Variants in OSBPL9 observed in about 807,000 individuals in gnomAD.
OSBPL9 encodes the protein oxysterol-binding protein-related protein 9.
In OSBPL9, 40 loss-of-function variants were observed where a neutral mutation model predicts 106.6. The observed-to-expected ratio is 0.38, with a 90% CI of 0.29 to 0.49. The LOEUF (loss-of-function observed/expected upper bound fraction) is 0.49, where lower values mean the gene tolerates loss of function less well. Among genes scored for constraint, OSBPL9 ranks in the 20% least tolerant of loss-of-function variants. The probability of loss-of-function intolerance (pLI) is 0.97; values close to 1 mark genes in which losing one functional copy is unlikely to be tolerated. For missense variants in OSBPL9, 609 were observed against 887.2 expected (o/e 0.69, Z 3.98); for synonymous variants, 269 against 295.4 (o/e 0.91, Z 0.92).
At chr1:51,623,939 T>A (rs1318792652) in intron 1 of OSBPL9, among the ~76,000 whole-genome samples, 1 of 151,626 alleles carries the variant, frequency 6.6e-6, no homozygotes, top group African/African-American at 2.4e-5. Context: ...TTTTTTTTTG[T>A]CGGAGTCTCG....
intron 11 of OSBPL9, among the ~76,000 whole-genome samples, chr1:51,762,660 G>A (rs977085833): frequency 6.6e-6 from 1 of 152,194 alleles, no homozygotes; most frequent in Non-Finnish European, 1.5e-5. Flanking sequence ...TTGCATACAT[G>A]TATGTGCATA....
chr1:51,518,526 A>C, the OSBPL9 span: 1 of 152,854 alleles, frequency 6.5e-6, no homozygotes. Flanking sequence ...CCCAGAAGGA[A>C]ACCTGATCAG....
At chr1:51,736,828 T>C (rs1665810505) in intron 4 of OSBPL9, among the ~76,000 whole-genome samples, 1 of 152,156 alleles carries the variant, frequency 6.6e-6, no homozygotes. Context: ...TTTATTTAGA[T>C]CCTGGAATGA....
In OSBPL9 at chr1:51,729,165, C is replaced by T. The variant is rs1202860048; in HGVS notation, c.318+15086C>T. ...CATTCCTTATGGAGCTGTGGCACAA[C>T]AGCAAGCCCACGATGTCTCACCGGA... is the stretch of plus-strand genomic sequence containing the variant. On this transcript the variant is annotated intron_variant, in intron 4 of 23. Coordinates refer to ENST00000428468, the MANE Select transcript of OSBPL9 (RefSeq NM_024586.6). The surrounding 1 kb of genome is among the most constrained non-coding windows in gnomAD (Gnocchi z 5.1). 1 of 152,242 alleles carries T rather than the reference C, an allele frequency of 6.6e-6. No individual in the cohort carries two copies. The highest frequency in any genetic ancestry group is 1.5e-5 in the Non-Finnish European group (1 of 68,064). 9.4% of individuals were successfully genotyped at this position (152,242 alleles called of 1,614,324 possible).
At chr1:51,710,135 A>G (rs942557180) in intron 3 of OSBPL9, among the ~76,000 whole-genome samples, 1 of 152,174 alleles carries the variant, frequency 6.6e-6, no homozygotes, top group African/African-American at 2.4e-5. Flanking sequence ...ACCTGATTCC[A>G]TGTATTGATT....
At chr1:51,553,803 C>T in the OSBPL9 span, among the ~76,000 whole-genome samples, 12 of 152,100 alleles carry the variant, frequency 7.9e-5, no homozygotes, top group Non-Finnish European at 1.2e-4. Flanking sequence ...CTCAGCCTCC[C>T]GAGTACCTGG....
intron 12 of OSBPL9, among the ~76,000 whole-genome samples, chr1:51,766,371 A>G (rs956669688): frequency 2.0e-5 from 3 of 152,300 alleles, no homozygotes; most frequent in Middle Eastern, 6.8e-3. Flanking sequence ...GGTTTCTATT[A>G]CTTTTTTCTT....
intron 11 of OSBPL9, among the ~76,000 whole-genome samples, chr1:51,764,247 T>G (rs1340872266): frequency 6.6e-6 from 1 of 152,242 alleles, no homozygotes; most frequent in Non-Finnish European, 1.5e-5. Flanking sequence ...TAGATACAGT[T>G]TCACTTGTGT....
chr1:51,580,937 TATATATATATATATATA>T (rs1427561962), intron 1 of OSBPL9, among the ~76,000 whole-genome samples: 701 of 1,842 alleles, frequency 0.38, 146 homozygotes, highest in Middle Eastern at 0.5. Context: ...TATATATATA[TATATATATATATATATA>T]ACTTTTTTGA....
intron 14 of OSBPL9, 117 bp from the exon 15 acceptor site, chr1:51,776,716 G>A (rs1675153535): frequency 2.9e-6 from 2 of 681,562 alleles, no homozygotes; most frequent in African/African-American, 1.8e-5. Context: ...AATATGTGGT[G>A]GATGTTACCA....
chr1:51,688,032 T>C (rs186524665), intron 3 of OSBPL9, among the ~76,000 whole-genome samples: 73 of 152,254 alleles, frequency 4.8e-4, no homozygotes, highest in African/African-American at 1.5e-3. Context: ...GGATGGACTA[T>C]GAATGGAACA....
chr1:51,646,082 G>T (rs1455836967), intron 1 of OSBPL9, among the ~76,000 whole-genome samples: 5 of 152,084 alleles, frequency 3.3e-5, no homozygotes, highest in Admixed American at 2.6e-4. Context: ...TTTGAAGTTT[G>T]TTCTGGCTAT....
At chr1:51,693,194 C>T (rs1265895439) in intron 3 of OSBPL9, among the ~76,000 whole-genome samples, 3 of 151,326 alleles carry the variant, frequency 2.0e-5, no homozygotes, top group Non-Finnish European at 4.4e-5. Flanking sequence ...GGTAACATAC[C>T]GAGACCCTGT....
the OSBPL9 span, among the ~76,000 whole-genome samples, chr1:51,566,715 C>T: frequency 6.6e-6 from 1 of 152,180 alleles, no homozygotes; most frequent in Non-Finnish European, 1.5e-5. Context: ...TTCTGGGCCT[C>T]TTCTCATAGT....
chr1:51,754,187 A>C (rs965437446), intron 8 of OSBPL9, among the ~76,000 whole-genome samples: 3 of 152,242 alleles, frequency 2.0e-5, no homozygotes, highest in Admixed American at 1.3e-4. Context: ...GTGACCACAT[A>C]CCACAACTCA....
At position 51,785,017 on chromosome 1, in the gene OSBPL9, G is replaced by A. The variant is rs138550598; in HGVS notation, c.1829+435G>A. On this transcript the variant is annotated intron_variant, in intron 20 of 23. Transcript: ENST00000428468. ...AAACAGTAACCATCACATTTTGCAC[G>A]CATCTGGCTTGCTTCCACTTGACAC... 63 of 180,768 alleles carry A rather than the reference G, an allele frequency of 3.5e-4. No homozygotes were observed. In the East Asian group the frequency reaches 8.9e-3, roughly 26 times the overall value. The allele number at this position is 180,768 out of a possible 1,614,324, so 11.2% of individuals were successfully genotyped here.
upstream of OSBPL9, chr1:51,617,049 C>T: frequency 6.5e-7 from 1 of 1,548,196 alleles, no homozygotes; most frequent in South Asian, 1.2e-5. Context: ...CCGCCCCCCG[C>T]ATGCTGAATG....
At chr1:51,650,196 G>T (rs572283923) in intron 1 of OSBPL9, among the ~76,000 whole-genome samples, 5 of 152,164 alleles carry the variant, frequency 3.3e-5, no homozygotes, top group Admixed American at 3.3e-4. Context: ...TCTTAATGTT[G>T]TTTAATTTGT....
At chr1:51,599,743 A>G (rs1645318400) in intron 2 of OSBPL9, among the ~76,000 whole-genome samples, 1 of 152,204 alleles carries the variant, frequency 6.6e-6, no homozygotes, top group South Asian at 2.1e-4. Flanking sequence ...ATCTGTAAGA[A>G]TATATTATTA....
Sources: allele counts gnomAD v4.1 joint callset (sites outside exome capture counted in the v4.1 genomes callset), GRCh38; gene constraint gnomAD v4.1.1; non-coding constraint Gnocchi (gnomAD v3.1); transcripts MANE v1.5; gene names NCBI Gene and HGNC (gene_info 2026-07-23, HGNC 2026-07-21).